Variants in ARHGAP15 observed in about 807,000 individuals in gnomAD.
ARHGAP15 encodes the protein rho GTPase-activating protein 15.
A neutral mutation model predicts 63.7 loss-of-function variants in ARHGAP15; 51 were observed. The observed-to-expected ratio is 0.80, with a 90% CI of 0.64 to 1.01. ARHGAP15 has a LOEUF of 1.01. Ranked by LOEUF, ARHGAP15 falls within the 50% of genes least tolerant of loss-of-function variation. ARHGAP15 has a pLI of 0.00. For synonymous variants in ARHGAP15, 191 were observed against 193.8 expected (o/e 0.99, Z 0.12); for missense variants, 560 against 564.6 (o/e 0.99, Z 0.08).
intron 10 of ARHGAP15, among the ~76,000 whole-genome samples, chr2:143,551,055 G>A (rs1317484323): frequency 1.3e-5 from 2 of 152,168 alleles, no homozygotes; most frequent in African/African-American, 2.4e-5. Flanking sequence ...AATGCACTAA[G>A]CTCTTTATCT....
intron 6 of ARHGAP15, among the ~76,000 whole-genome samples, chr2:143,316,321 C>G (rs1281695778): frequency 6.6e-6 from 1 of 151,538 alleles, no homozygotes; most frequent in Admixed American, 6.6e-5. Context: ...TCAGGCCACC[C>G]TGGACCTACT....
At chr2:143,496,236 G>A (rs1340398139) in intron 9 of ARHGAP15, among the ~76,000 whole-genome samples, 5 of 152,082 alleles carry the variant, frequency 3.3e-5, no homozygotes, top group Non-Finnish European at 5.9e-5. Context: ...TAAGATACAG[G>A]ACACCATGCG....
chr2:143,737,929 T>C (rs553989240), intron 13 of ARHGAP15, among the ~76,000 whole-genome samples: 1 of 152,176 alleles, frequency 6.6e-6, no homozygotes, highest in South Asian at 2.1e-4. Context: ...GCTAAATTTT[T>C]GTATTTTTAA....
At chr2:143,595,402 T>C (rs1697473149) in intron 11 of ARHGAP15, among the ~76,000 whole-genome samples, 1 of 152,050 alleles carries the variant, frequency 6.6e-6, no homozygotes, top group Non-Finnish European at 1.5e-5. Flanking sequence ...GTTCCAAAAA[T>C]AAAGATTCTA....
intron 1 of ARHGAP15, among the ~76,000 whole-genome samples, chr2:143,150,794 G>A (rs1036796194): frequency 6.6e-6 from 1 of 151,930 alleles, no homozygotes; most frequent in East Asian, 1.9e-4. Flanking sequence ...AAATTTAATA[G>A]TAACAATAAT....
chr2:143,187,149 T>C (rs1360027485), intron 2 of ARHGAP15, among the ~76,000 whole-genome samples: 2 of 151,836 alleles, frequency 1.3e-5, no homozygotes, highest in Non-Finnish European at 2.9e-5. Context: ...ATAGCATGAA[T>C]TTTTTTTTCT....
intron 12 of ARHGAP15, among the ~76,000 whole-genome samples, chr2:143,642,331 T>C (rs1240804552): frequency 1.3e-5 from 2 of 152,062 alleles, no homozygotes; most frequent in African/African-American, 4.8e-5. Context: ...GTTTGAAGGC[T>C]TCTCAAACCT....
chr2:143,283,918 C>T (rs556234770), intron 6 of ARHGAP15, among the ~76,000 whole-genome samples: 1 of 152,096 alleles, frequency 6.6e-6, no homozygotes, highest in Non-Finnish European at 1.5e-5. Context: ...TATGCCTTTA[C>T]TTGAATGATT....
chr2:143,330,934 G>A (rs544148354), intron 6 of ARHGAP15, among the ~76,000 whole-genome samples: 31 of 152,222 alleles, frequency 2.0e-4, no homozygotes, highest in African/African-American at 6.7e-4. Context: ...AACCATTGTC[G>A]CTTTCTCTCT....
intron 11 of ARHGAP15, among the ~76,000 whole-genome samples, chr2:143,571,061 C>A (rs1696431654): frequency 6.6e-6 from 1 of 152,128 alleles, no homozygotes; most frequent in South Asian, 2.1e-4. Context: ...GAGTACAAAC[C>A]CTATTGCAAA....
intron 6 of ARHGAP15, among the ~76,000 whole-genome samples, chr2:143,396,950 G>A (rs1346877865): frequency 6.6e-6 from 1 of 152,084 alleles, no homozygotes. Context: ...GTATAGTGAG[G>A]CAATGACTCA....
At chr2:143,422,316 A>G (rs188700725) in intron 6 of ARHGAP15, among the ~76,000 whole-genome samples, 3 of 152,162 alleles carry the variant, frequency 2.0e-5, no homozygotes, top group Non-Finnish European at 4.4e-5. Flanking sequence ...GAAACTTACT[A>G]TACTGATGAT....
At chr2:143,555,200 G>A (rs1342937445) in intron 10 of ARHGAP15, among the ~76,000 whole-genome samples, 1 of 152,034 alleles carries the variant, frequency 6.6e-6, no homozygotes, top group African/African-American at 2.4e-5. Context: ...TTGCACAATG[G>A]CAGAAGTGTT....
intron 2 of ARHGAP15, among the ~76,000 whole-genome samples, chr2:143,160,836 G>A (rs769593178): frequency 6.6e-5 from 10 of 151,924 alleles, no homozygotes; most frequent in Non-Finnish European, 1.3e-4. Flanking sequence ...AATTGGACTT[G>A]CCAAAAGGTT....
At chr2:143,639,674 C>T (rs769530715) in intron 12 of ARHGAP15, among the ~76,000 whole-genome samples, 1 of 152,034 alleles carries the variant, frequency 6.6e-6, no homozygotes, top group Non-Finnish European at 1.5e-5. Context: ...TTTCTTAGAA[C>T]TTTCATCATA....
rs6713549 is a variant in ARHGAP15, at chr2:143,509,889, C to T, written c.827-9377C>T. 7.3e-5 allele frequency among the ~76,000 whole-genome samples: 11 copies of T among 151,688 alleles called. No individual in the cohort carries two copies. The South Asian group carries it at 1.0e-3, about 14-fold the overall frequency. ...TACAAAAATTAGCTGGGTGTGCTGG[C>T]GCATGCCTGTAATCCCAGCTACTCA... On this transcript the variant is annotated intron_variant, in intron 9 of 13. Coordinates refer to ENST00000295095, the MANE Select transcript of ARHGAP15 (RefSeq NM_018460.4).
intron 2 of ARHGAP15, among the ~76,000 whole-genome samples, chr2:143,188,543 C>T (rs1691536249): frequency 1.3e-5 from 2 of 151,426 alleles, no homozygotes; most frequent in Admixed American, 6.6e-5. Context: ...GCCTAACACG[C>T]AGTGCAGAAC....
intron 6 of ARHGAP15, among the ~76,000 whole-genome samples, chr2:143,283,827 C>T (rs1355769192): frequency 6.6e-6 from 1 of 152,050 alleles, no homozygotes; most frequent in African/African-American, 2.4e-5. Flanking sequence ...GAATATTTTC[C>T]CATGTTCACC....
intron 6 of ARHGAP15, among the ~76,000 whole-genome samples, chr2:143,425,681 CA>C (rs1384721934): frequency 6.6e-6 from 1 of 151,970 alleles, no homozygotes; most frequent in African/African-American, 2.4e-5. Context: ...TCAACATTTT[CA>C]ATTTATTTAA....
Sources: allele counts gnomAD v4.1 joint callset (sites outside exome capture counted in the v4.1 genomes callset), GRCh38; gene constraint gnomAD v4.1.1; transcripts MANE v1.5; gene names NCBI Gene and HGNC (gene_info 2026-07-23, HGNC 2026-07-21).